PDE4B: variants seen among roughly 807,000 people sequenced by gnomAD.
PDE4B encodes phosphodiesterase 4B.
In PDE4B, 20 loss-of-function variants were observed where a neutral mutation model predicts 82.2. The ratio of observed to expected loss-of-function variants is 0.24; its 90% CI spans 0.17 to 0.35. The LOEUF (loss-of-function observed/expected upper bound fraction) is 0.35. Ranked by LOEUF, PDE4B falls within the 10% of genes least tolerant of loss-of-function variation. The pLI, the probability that PDE4B is intolerant of heterozygous loss-of-function variation, is 1.00. For synonymous variants in PDE4B, 320 were observed against 318.9 expected, an observed-to-expected ratio of 1.00 and a Z score of -0.04; for missense variants, 655 against 907.2, an observed-to-expected ratio of 0.72 and a Z score of 3.57.
intron 8 of PDE4B, among the ~76,000 whole-genome samples, chr1:66,334,552 C>T (rs1247752679): frequency 6.6e-6 from 1 of 152,138 alleles, no homozygotes; most frequent in Non-Finnish European, 1.5e-5. Flanking sequence ...ATAGAGCTAA[C>T]CCTAACAAAA....
chr1:66,161,675 T>A (rs1646615847), intron 3 of PDE4B, among the ~76,000 whole-genome samples: 1 of 152,116 alleles, frequency 6.6e-6, no homozygotes, highest in African/African-American at 2.4e-5. Flanking sequence ...TATTATTATT[T>A]GCATTTAAAG....
Position 66,372,407 on chromosome 1 carries a change from A to G in PDE4B, c.1940A>G (p.Asp647Gly). 6.2e-7 allele frequency: 1 copy of G among 1,614,160 alleles called. No individual in the cohort carries two copies. Among genetic ancestry groups the G allele is most frequent in the Non-Finnish European group, 8.5e-7 (1 of 1,179,998 alleles). Reference sequence around the variant, plus strand: ...CAGGACATTCTCGATACCTTAGAAGATAACAGGAACTGGTATCAGAGCATG... The same window carrying G: ...CAGGACATTCTCGATACCTTAGAAGGTAACAGGAACTGGTATCAGAGCATG... ...DAQDILDTLEDNRNWYQSMIP... is the reference protein window; with the variant it reads ...DAQDILDTLEGNRNWYQSMIP... Residue 647 changes from aspartate to glycine, a missense_variant, in exon 17 of 17, where the codon GAT (aspartate) becomes GGT (glycine). Asp to Gly is a moderately conservative substitution (Grantham distance 94). Transcript: ENST00000341517.
chr1:66,201,058 A>G (rs1193422302), intron 3 of PDE4B, among the ~76,000 whole-genome samples: 3 of 152,094 alleles, frequency 2.0e-5, no homozygotes, highest in Admixed American at 2.0e-4. Context: ...GGAATGAAGC[A>G]TTGTTGAATT....
intron 3 of PDE4B, among the ~76,000 whole-genome samples, chr1:66,207,766 T>A (rs1649671823): frequency 6.6e-6 from 1 of 152,206 alleles, no homozygotes; most frequent in African/African-American, 2.4e-5. Flanking sequence ...CCTCACACAA[T>A]GAAGCCAGGC....
intron 3 of PDE4B, among the ~76,000 whole-genome samples, chr1:66,236,093 A>T (rs1652418236): frequency 6.6e-6 from 1 of 152,100 alleles, no homozygotes; most frequent in Non-Finnish European, 1.5e-5. Context: ...GCGGTTCATT[A>T]TATGCTTTTT....
intron 3 of PDE4B, among the ~76,000 whole-genome samples, chr1:66,228,638 A>AC (rs199951685): frequency 0.03 from 4,611 of 151,634 alleles, 244 homozygotes; most frequent in African/African-American, 0.11. Flanking sequence ...AAAAAAAAAA[A>AC]AAAAACATGC....
chr1:66,371,361 C>T (rs2050776310), intron 16 of PDE4B, among the ~76,000 whole-genome samples: 1 of 151,762 alleles, frequency 6.6e-6, no homozygotes, highest in Non-Finnish European at 1.5e-5. Flanking sequence ...GAATTCCCTT[C>T]CCTCATTCAA....
intron 3 of PDE4B, among the ~76,000 whole-genome samples, chr1:65,967,698 G>C (rs895196710): frequency 6.6e-6 from 1 of 152,140 alleles, no homozygotes; most frequent in Non-Finnish European, 1.5e-5. Context: ...CATAAAAAAG[G>C]ATGAGTTCAT....
intron 7 of PDE4B, among the ~76,000 whole-genome samples, chr1:66,311,978 A>G (rs539826625): frequency 1.4e-4 from 21 of 152,292 alleles, no homozygotes; most frequent in Non-Finnish European, 2.4e-4. Context: ...CCCCAAATGT[A>G]TAGGTCTGGG....
At chr1:66,103,337 G>T (rs1353584411) in intron 3 of PDE4B, among the ~76,000 whole-genome samples, 2 of 152,082 alleles carry the variant, frequency 1.3e-5, no homozygotes, top group Non-Finnish European at 2.9e-5. Flanking sequence ...TCTCCAAAGA[G>T]TTGGAACTTT....
chr1:65,812,221 C>T (rs913707413), intron 1 of PDE4B, among the ~76,000 whole-genome samples: 1 of 152,186 alleles, frequency 6.6e-6, no homozygotes, highest in Non-Finnish European at 1.5e-5. Flanking sequence ...TGCCTCATTT[C>T]CTCTGACTCA....
At chr1:65,943,338 C>A (rs1227108851) in intron 3 of PDE4B, among the ~76,000 whole-genome samples, 3 of 151,702 alleles carry the variant, frequency 2.0e-5, no homozygotes, top group Admixed American at 6.6e-5. Flanking sequence ...TATTTCTGGG[C>A]TCTCTGTTCT....
intron 3 of PDE4B, among the ~76,000 whole-genome samples, chr1:66,051,553 A>C (rs577716736): frequency 2.0e-5 from 3 of 152,258 alleles, no homozygotes; most frequent in Admixed American, 2.0e-4. Flanking sequence ...TAATTTGTTC[A>C]TGTTTGAAGA....
At chr1:65,927,598 G>A (rs1012583616) in intron 3 of PDE4B, among the ~76,000 whole-genome samples, 6 of 151,148 alleles carry the variant, frequency 4.0e-5, no homozygotes, top group African/African-American at 1.5e-4. Context: ...TTATGATAAG[G>A]CACTGTCATT....
chr1:66,361,945 G>A (rs1662809734), intron 10 of PDE4B, 152 bp downstream of exon 10: 1 of 557,838 alleles, frequency 1.8e-6, no homozygotes, highest in Admixed American at 3.4e-5. Flanking sequence ...ACTGTGAGCA[G>A]TAAGGCCTTC....
chr1:66,047,744 T>G (rs1391249145), intron 3 of PDE4B, among the ~76,000 whole-genome samples: 2 of 151,972 alleles, frequency 1.3e-5, no homozygotes, highest in Admixed American at 6.6e-5. Context: ...ATGACCATAA[T>G]TGACTGTGCT....
intron 3 of PDE4B, among the ~76,000 whole-genome samples, chr1:66,177,147 A>T (rs1488718242): frequency 2.0e-5 from 3 of 152,224 alleles, no homozygotes; most frequent in Non-Finnish European, 2.9e-5. Context: ...GAGAAAAACA[A>T]ATGCAAATGA....
chr1:65,802,563 T>C (rs965375963), intron 1 of PDE4B, among the ~76,000 whole-genome samples: 1 of 152,138 alleles, frequency 6.6e-6, no homozygotes, highest in Non-Finnish European at 1.5e-5. Context: ...GAAAAATTGG[T>C]ACCTCCCCCA....
intron 7 of PDE4B, among the ~76,000 whole-genome samples, chr1:66,277,654 A>G (rs941894094): frequency 1.3e-5 from 2 of 152,220 alleles, no homozygotes; most frequent in African/African-American, 4.8e-5. Flanking sequence ...TCGGCCTCCC[A>G]AAGTGCTGGG....
Sources: gnomAD v4.1 joint callset for allele counts (sites outside exome capture counted in the v4.1 genomes callset) on GRCh38, gnomAD v4.1.1 for gene constraint, MANE v1.5 for transcripts, NCBI Gene and HGNC (gene_info 2026-07-23, HGNC 2026-07-21) for gene names.